Variants in TLE2 observed in about 807,000 individuals in gnomAD.
TLE2 encodes TLE family member 2, transcriptional corepressor, also known as transducin-like enhancer protein 2.
Under a neutral mutation model 97.2 loss-of-function variants are expected in TLE2, and 74 were observed. That is an observed-to-expected ratio of 0.76 (90% confidence interval 0.63 to 0.92). The LOEUF is 0.92. Among genes scored for constraint, TLE2 ranks in the 40% least tolerant of loss-of-function variants. The probability of loss-of-function intolerance (pLI) is 0.00; values close to 1 mark genes in which losing one functional copy is unlikely to be tolerated. For missense variants in TLE2, 1,038 were observed against 1,008.7 expected, an observed-to-expected ratio of 1.03 and a Z score of -0.39; for synonymous variants, 499 against 432.1, an observed-to-expected ratio of 1.15 and a Z score of -1.92.
chr19:2,998,889 C>T (rs577536698), intron 19 of TLE2, among the ~76,000 whole-genome samples: 2 of 152,352 alleles, frequency 1.3e-5, no homozygotes, highest in Non-Finnish European at 2.9e-5. Context: ...AAGGCAATGG[C>T]TTAGACCAGG....
chr19:3,027,403 A>C (rs1483395427), intron 4 of TLE2, among the ~76,000 whole-genome samples: 1 of 152,240 alleles, frequency 6.6e-6, no homozygotes, highest in Non-Finnish European at 1.5e-5. Context: ...TCAAAGCAGC[A>C]ACAGAACCTG....
Position 3,005,848 on chromosome 19 carries a change from C to T in TLE2, c.1621G>A (p.Ala541Thr), listed in dbSNP as rs2089463052. ...DLAAPTPRIK[A>T]ELTSSAPACY... is the part of the protein sequence containing the mutation. ...GCTGGGGCTGAGGAAGTCAGCTCGG[C>T]CTTGATACGGGGGGTGGGCGCCGCC... is the stretch of plus-strand genomic sequence containing the variant. Residue 541 changes from alanine (A) to threonine (T), a missense_variant, in exon 16 of 20, where the codon GCC (alanine) becomes ACC (threonine). Transcript: ENST00000262953. 1 of 1,613,948 alleles carries T rather than the reference C, an allele frequency of 6.2e-7. No homozygotes were observed. The highest frequency in any genetic ancestry group is 8.5e-7 in the Non-Finnish European group (1 of 1,179,872).
chr19:3,000,961 C>T (rs1219950285), intron 18 of TLE2, among the ~76,000 whole-genome samples: 1 of 151,710 alleles, frequency 6.6e-6, no homozygotes, highest in Non-Finnish European at 1.5e-5. Flanking sequence ...CACAGGTGTG[C>T]ACCACCACGC....
intron 1 of TLE2, among the ~76,000 whole-genome samples, chr19:3,044,298 C>T (rs551949943): frequency 1.3e-5 from 2 of 152,318 alleles, no homozygotes; most frequent in South Asian, 4.1e-4. Flanking sequence ...AATCGCACAT[C>T]TGGGTGTGCC....
chr19:3,000,823 CCTT>C (rs1357554299), intron 18 of TLE2, 100 bp from the exon 19 acceptor site: 5 of 650,990 alleles, frequency 7.7e-6, no homozygotes, highest in Non-Finnish European at 9.4e-6. Flanking sequence ...CTGGCCTCTC[CCTT>C]TTTTTTTTTT....
intron 5 of TLE2, among the ~76,000 whole-genome samples, chr19:3,022,184 G>A (rs2089857595): frequency 6.6e-6 from 1 of 151,956 alleles, no homozygotes; most frequent in Admixed American, 6.6e-5. Context: ...GAGTAGCTGG[G>A]ATTACAGGCA....
rs1323230477 is a variant in TLE2, at chr19:3,005,598, G to T, written c.1749-14C>A. 2 of 1,612,730 alleles carry T rather than the reference G, an allele frequency of 1.2e-6. No homozygotes were observed. The highest frequency in any genetic ancestry group is 1.7e-5 in the Admixed American group (1 of 59,812). ...CCCTGGAACTGCCTGGAGGGAGAAG[G>T]GCCCAGGCGTCCATCCTGGAATTCG... On this transcript the variant is annotated splice_polypyrimidine_tract_variant and intron_variant, in intron 16 of 19. Transcript: ENST00000262953.
At chr19:3,038,378 TA>T (rs1568255346) in intron 1 of TLE2, among the ~76,000 whole-genome samples, 1 of 152,024 alleles carries the variant, frequency 6.6e-6, no homozygotes, top group Non-Finnish European at 1.5e-5. Flanking sequence ...TCAGCTAATT[TA>T]AAAAAAATTT....
chr19:3,008,742 T>C (rs914707841), intron 14 of TLE2, 127 bp downstream of exon 14: 4 of 663,330 alleles, frequency 6.0e-6, no homozygotes, highest in Admixed American at 3.7e-5. Context: ...TGAACCACTG[T>C]GCCCGGCCCA....
chr19:3,042,883 G>A (rs1264578756), intron 1 of TLE2, among the ~76,000 whole-genome samples: 1 of 152,124 alleles, frequency 6.6e-6, no homozygotes, highest in East Asian at 1.9e-4. Flanking sequence ...GGGGGACAAA[G>A]ACAGACATTA....
chr19:3,016,156 G>A (rs45521535), intron 8 of TLE2, among the ~76,000 whole-genome samples: 7 of 151,744 alleles, frequency 4.6e-5, no homozygotes, highest in East Asian at 2.0e-4. Context: ...GGCCTATCTC[G>A]AACTCCTGAC....
intron 5 of TLE2, chr19:3,020,130 G>C: frequency 4.2e-6 from 1 of 235,698 alleles, no homozygotes; most frequent in Non-Finnish European, 8.4e-6. Context: ...CAGCTACTCA[G>C]GAGGCTGAGG....
At chr19:2,998,843 C>T (rs1287352342) in intron 19 of TLE2, among the ~76,000 whole-genome samples, 1 of 152,168 alleles carries the variant, frequency 6.6e-6, no homozygotes, top group Admixed American at 6.6e-5. Flanking sequence ...AGTGGGTGTG[C>T]ACCAGGCATG....
Position 3,018,255 on chromosome 19 carries a change from C to T in TLE2, c.551-396G>A, listed in dbSNP as rs551269197. ...CAAGTGATTGTCCCATCTCAGCCTC[C>T]CGAGTAGCTGGGACTCCAGGGGCAT... On this transcript the variant is annotated intron_variant, in intron 7 of 19. Transcript: ENST00000262953. Among the ~76,000 whole-genome samples, 3 of 152,188 alleles carry T rather than the reference C, an allele frequency of 2.0e-5. No homozygotes were observed. The East Asian group carries it at 5.8e-4, about 30-fold the overall frequency.
In TLE2 at chr19:3,011,039, G is replaced by A. The variant is rs755938032; in HGVS notation, c.995C>T (p.Pro332Leu). ...HLCQLAAKPA[P>L]STDSVALRSP... The stretch of plus-strand genomic sequence containing the variant: ...GTGCTCACCGACGCTGTCCGTGGAA[G>A]GTGCTGGCTTGGCAGCAAGCTGGCA... The change falls in exon 12 of 20, where the codon CCT (proline) becomes CTT (leucine). Residue 332 changes from proline to leucine, a missense_variant. Physicochemically the swap from Pro to Leu is moderately conservative, Grantham distance 98. Transcript: ENST00000262953. The A allele has an allele frequency of 8.7e-6, 14 of 1,607,360 alleles. No homozygotes were observed. The Middle Eastern group carries it at 8.7e-4, about 99-fold the overall frequency.
Position 3,015,755 on chromosome 19 carries a change from T to C in TLE2, c.576A>G (p.Ala192=). The C allele has an allele frequency of 6.2e-7, 1 of 1,606,506 alleles. No homozygotes were observed. Among genetic ancestry groups the C allele is most frequent in the Non-Finnish European group, 8.5e-7 (1 of 1,177,292 alleles). Residue 192 remains alanine, a synonymous_variant, in exon 9 of 20, where the codon GCA becomes GCG. Transcript: ENST00000262953. The part of the protein sequence containing the change: ...SRVERAPSRS[A]SPSPPESLVE... Reference sequence around the variant, plus strand: ...CGAGACTCTCAGGGGGCGAGGGAGATGCACTCTGCGGAGAGACAAAGGCCG... The same window carrying C: ...CGAGACTCTCAGGGGGCGAGGGAGACGCACTCTGCGGAGAGACAAAGGCCG...
At chr19:3,028,243 G>A in intron 3 of TLE2, 76 bp downstream of exon 3, 1 of 1,431,134 alleles carries the variant, frequency 7.0e-7, no homozygotes, top group Non-Finnish European at 9.7e-7. Context: ...GTGGGGCAGG[G>A]ACCTACCCCA....
At chr19:3,010,841 C>T (rs970365191) in intron 12 of TLE2, among the ~76,000 whole-genome samples, 181 bp downstream of exon 12, 7 of 152,158 alleles carry the variant, frequency 4.6e-5, no homozygotes, top group East Asian at 1.9e-4. Context: ...CCCTACCCGC[C>T]GAGCTGACAC....
At chr19:3,009,451 C>A in intron 13 of TLE2, 91 bp downstream of exon 13, 1 of 1,424,246 alleles carries the variant, frequency 7.0e-7, no homozygotes, top group Admixed American at 2.8e-5. Flanking sequence ...TTCTGCACTC[C>A]CTTGTCTCTC....
Sources: allele counts gnomAD v4.1 joint callset (sites outside exome capture counted in the v4.1 genomes callset), GRCh38; gene constraint gnomAD v4.1.1; transcripts MANE v1.5; gene names NCBI Gene and HGNC (gene_info 2026-07-23, HGNC 2026-07-21).